Variants in FER1L6 observed in about 807,000 individuals in gnomAD.
The protein encoded by FER1L6 is fer-1-like protein 6.
FER1L6 carries 177 observed loss-of-function variants against 219.2 expected under a neutral mutation model. The ratio of observed to expected loss-of-function variants is 0.81; its 90% confidence interval spans 0.71 to 0.91. FER1L6 has a LOEUF of 0.91. Among genes scored for constraint, FER1L6 ranks in the 40% least tolerant of loss-of-function variants. The pLI, the probability that FER1L6 is intolerant of heterozygous loss-of-function variation, is 0.00. For synonymous variants in FER1L6, 768 were observed against 824.3 expected (o/e 0.93, Z 1.17); for missense variants, 2,153 against 2,259.9 (o/e 0.95, Z 0.96).
intron 1 of FER1L6, among the ~76,000 whole-genome samples, chr8:123,866,279 T>C (rs988978420): frequency 1.3e-5 from 2 of 151,936 alleles, no homozygotes; most frequent in Non-Finnish European, 2.9e-5. Flanking sequence ...CCTTATTTTT[T>C]TAAGGTTGTA....
At chr8:123,961,224 C>T (rs987534706) in intron 2 of FER1L6, among the ~76,000 whole-genome samples, 14 of 152,142 alleles carry the variant, frequency 9.2e-5, no homozygotes, top group South Asian at 2.1e-4. Context: ...CTTGCCACTG[C>T]GTCCCAGCTC....
chr8:123,969,914 T>C (rs1378820101), intron 5 of FER1L6, 121 bp from the exon 6 acceptor site: 1 of 698,358 alleles, frequency 1.4e-6, no homozygotes, highest in East Asian at 2.6e-5. Flanking sequence ...AATCAATTGA[T>C]GATGTATATA....
intron 1 of FER1L6, among the ~76,000 whole-genome samples, chr8:123,881,389 A>AT (rs750717126): frequency 6.6e-6 from 1 of 152,098 alleles, no homozygotes; most frequent in Non-Finnish European, 1.5e-5. Context: ...TAATGGGCAC[A>AT]TTTTCTCTTT....
chr8:124,013,742 G>A lies in FER1L6; in HGVS notation c.1922+211G>A, dbSNP rs573446840. On this transcript the variant is annotated intron_variant, in intron 15 of 40. Transcript: ENST00000522917. ...CAACTCAAACATAAATCAAAGGTAG[G>A]AAAAAGCAAAGGAAGACTTACTACA... The A allele has an allele frequency of 1.2e-3, 417 of 352,064 alleles. 2 individuals carry two copies. Among genetic ancestry groups the A allele is most frequent in the Non-Finnish European group, 1.8e-3 (342 of 192,436 alleles). The allele number at this position is 352,064 out of a possible 1,614,324, so 21.8% of individuals were successfully genotyped here.
chr8:123,969,960 T>C, intron 5 of FER1L6, 75 bp from the exon 6 acceptor site: 1 of 1,173,716 alleles, frequency 8.5e-7, no homozygotes, highest in South Asian at 1.2e-5. Flanking sequence ...GACAAAGATC[T>C]AAATCCACTC....
intron 37 of FER1L6, 93 bp from the exon 38 acceptor site, chr8:124,101,004 T>C: frequency 8.5e-7 from 1 of 1,180,662 alleles, no homozygotes. Flanking sequence ...CTATGCTCTG[T>C]GACCACATTG....
chr8:124,017,768 C>A, intron 16 of FER1L6, 50 bp downstream of exon 16: 1 of 1,481,608 alleles, frequency 6.7e-7, no homozygotes, highest in Non-Finnish European at 9.4e-7. Context: ...AAATAAACCT[C>A]ACGGATGAGG....
At chr8:124,094,694 C>G (rs1191588242) in intron 34 of FER1L6, among the ~76,000 whole-genome samples, 1 of 152,130 alleles carries the variant, frequency 6.6e-6, no homozygotes, top group Non-Finnish European at 1.5e-5. Flanking sequence ...ACCATTTTGG[C>G]CAGGCTCATC....
intron 39 of FER1L6, among the ~76,000 whole-genome samples, chr8:124,116,040 AT>A (rs1823230875): frequency 6.6e-6 from 1 of 152,246 alleles, no homozygotes; most frequent in Non-Finnish European, 1.5e-5. Context: ...GAAACAGCAC[AT>A]TTATTCATTA....
At chr8:123,903,923 T>C (rs891888009) in intron 1 of FER1L6, among the ~76,000 whole-genome samples, 1 of 152,172 alleles carries the variant, frequency 6.6e-6, no homozygotes, top group African/African-American at 2.4e-5. Flanking sequence ...GACAATTTAA[T>C]TAACTTATCT....
chr8:123,975,048 C>A, intron 7 of FER1L6, 102 bp from the exon 8 acceptor site: 2 of 1,081,334 alleles, frequency 1.8e-6, no homozygotes, highest in Non-Finnish European at 2.6e-6. Flanking sequence ...CCTAGAGCAA[C>A]AGAGGGAGGA....
In FER1L6 at chr8:124,071,688, CA is replaced by C. The variant is rs1821081679; in HGVS notation, c.4092+61del. ...TATTTATCTGCTCAGGCTGCCATAA[CA>C]AAATATATGGCAGACTGGGAGGCTT... is the stretch of plus-strand genomic sequence containing the variant. On this transcript the variant is annotated intron_variant, in intron 31 of 40. Coordinates refer to ENST00000522917, the MANE Select transcript of FER1L6 (RefSeq NM_001039112.2). 5 of 1,562,450 alleles carry C rather than the reference CA, an allele frequency of 3.2e-6. No homozygotes were observed. In the African/African-American group the frequency reaches 4.1e-5, roughly 13 times the overall value.
At chr8:124,084,371 T>G (rs1173026458) in intron 33 of FER1L6, among the ~76,000 whole-genome samples, 1 of 152,142 alleles carries the variant, frequency 6.6e-6, no homozygotes, top group Non-Finnish European at 1.5e-5. Context: ...TTTTCCCCAT[T>G]CAGTATGATC....
intron 26 of FER1L6, among the ~76,000 whole-genome samples, chr8:124,065,026 A>C (rs1409530797): frequency 6.6e-6 from 1 of 152,184 alleles, no homozygotes; most frequent in East Asian, 1.9e-4. Flanking sequence ...GGATATAGTT[A>C]ATCTTTCTAA....
intron 2 of FER1L6, among the ~76,000 whole-genome samples, chr8:123,957,237 C>T (rs1815062997): frequency 6.6e-6 from 1 of 152,172 alleles, no homozygotes; most frequent in Non-Finnish European, 1.5e-5. Flanking sequence ...TATGGAAACT[C>T]ATTAACACCC....
chr8:123,953,968 TTC>T (rs897794507), intron 1 of FER1L6, among the ~76,000 whole-genome samples: 12 of 152,192 alleles, frequency 7.9e-5, no homozygotes, highest in African/African-American at 2.9e-4. Context: ...TAGGATGATG[TTC>T]TCATCAGAGG....
chr8:123,940,968 C>T (rs924901179), intron 1 of FER1L6, among the ~76,000 whole-genome samples: 1 of 152,160 alleles, frequency 6.6e-6, no homozygotes. Flanking sequence ...CTGTTTGGCT[C>T]TAATCTCCTG....
chr8:124,070,979 A>G (rs1030729941), intron 30 of FER1L6, among the ~76,000 whole-genome samples: 3 of 152,238 alleles, frequency 2.0e-5, no homozygotes, highest in Admixed American at 1.3e-4. Context: ...AACATCACAA[A>G]GTAGTAGCCA....
chr8:124,097,337 AT>A lies in FER1L6; in HGVS notation c.4763del (p.Ile1588ThrfsTer11). ...DMPQPGPPVD[I>X]SPRRPKGYEL... ...GCCTCAACCTGGACCTCCTGTTGAC[AT>A]CTCTCCAAGGCGACCCAAAGGGTAT... is the stretch of plus-strand genomic sequence containing the variant. On this transcript the variant is annotated frameshift_variant, in exon 36 of 41. Coordinates refer to ENST00000522917, the MANE Select transcript of FER1L6 (RefSeq NM_001039112.2). LOFTEE classifies it high-confidence loss of function. 1 of 1,613,194 alleles carries A rather than the reference AT, an allele frequency of 6.2e-7. No homozygotes were observed. Among genetic ancestry groups the A allele is most frequent in the Non-Finnish European group, 8.5e-7 (1 of 1,179,402 alleles).
Sources: gnomAD v4.1 joint callset for allele counts (sites outside exome capture counted in the v4.1 genomes callset) on GRCh38, gnomAD v4.1.1 for gene constraint, MANE v1.5 for transcripts, NCBI Gene and HGNC (gene_info 2026-07-23, HGNC 2026-07-21) for gene names.